DAB1: variants seen among roughly 807,000 people sequenced by gnomAD.
DAB1 encodes DAB adaptor protein 1, also known as disabled homolog 1.
Under a neutral mutation model 64.6 loss-of-function variants are expected in DAB1, and 15 were observed. That is an observed-to-expected ratio of 0.23 (90% confidence interval 0.16 to 0.36). DAB1 has a LOEUF of 0.36. Among genes scored for constraint, DAB1 ranks in the 10% least tolerant of loss-of-function variants. The probability of loss-of-function intolerance (pLI) is 1.00; values close to 1 mark genes in which losing one functional copy is unlikely to be tolerated. For missense variants in DAB1, 596 were observed against 706.7 expected (o/e 0.84, Z 1.78); for synonymous variants, 235 against 251.9 (o/e 0.93, Z 0.64).
intron 7 of DAB1, among the ~76,000 whole-genome samples, chr1:57,556,438 C>CTATTTT: frequency 6.6e-6 from 1 of 151,950 alleles, no homozygotes; most frequent in South Asian, 2.1e-4. Flanking sequence ...ACTCCAACAT[C>CTATTTT]TATTTTTTTT....
chr1:57,868,988 G>A (rs975795036), intron 1 of DAB1, among the ~76,000 whole-genome samples: 3 of 151,986 alleles, frequency 2.0e-5, no homozygotes, highest in African/African-American at 7.3e-5. Context: ...AGCTATCCCT[G>A]ATCACCCAGA....
intron 5 of DAB1, among the ~76,000 whole-genome samples, chr1:58,077,343 T>C (rs1649718512): frequency 6.6e-6 from 1 of 152,056 alleles, no homozygotes; most frequent in Non-Finnish European, 1.5e-5. Flanking sequence ...TGCATGGCGG[T>C]TTCACATCAG....
At chr1:57,054,378 T>C (rs553950852) in intron 9 of DAB1, among the ~76,000 whole-genome samples, 2 of 152,108 alleles carry the variant, frequency 1.3e-5, no homozygotes, top group East Asian at 1.9e-4. Context: ...ACCTGAGTCA[T>C]GTTCAATGGT....
At chr1:57,503,731 C>A (rs1406746562) in intron 7 of DAB1, among the ~76,000 whole-genome samples, 1 of 152,230 alleles carries the variant, frequency 6.6e-6, no homozygotes, top group Non-Finnish European at 1.5e-5. Flanking sequence ...TCCTGAAACA[C>A]TACTGTACAC....
intron 7 of DAB1, among the ~76,000 whole-genome samples, chr1:57,632,359 G>A (rs892723106): frequency 3.9e-5 from 6 of 152,176 alleles, no homozygotes; most frequent in African/African-American, 1.2e-4. Context: ...AATTTGGTGT[G>A]TGTTTATCAT....
chr1:58,196,678 G>C (rs2100248582), intron 4 of DAB1, among the ~76,000 whole-genome samples: 1 of 152,274 alleles, frequency 6.6e-6, no homozygotes, highest in South Asian at 2.1e-4. Context: ...TTATTCATTA[G>C]GCAGCAGGAG....
chr1:57,329,496 A>G (rs1469509635), intron 1 of DAB1, among the ~76,000 whole-genome samples: 2 of 151,990 alleles, frequency 1.3e-5, no homozygotes, highest in African/African-American at 2.4e-5. Flanking sequence ...GCATATCTAA[A>G]CAGTAATTCT....
At chr1:57,824,963 G>C (rs1319683668), downstream of DAB1, among the ~76,000 whole-genome samples, 1 of 152,160 alleles carries the variant, frequency 6.6e-6, no homozygotes, top group Non-Finnish European at 1.5e-5. Flanking sequence ...TCCCATGAGG[G>C]TACTGGATAT....
intron 6 of DAB1, among the ~76,000 whole-genome samples, chr1:57,769,010 C>T (rs1273562694): frequency 4.6e-5 from 7 of 152,132 alleles, no homozygotes; most frequent in Admixed American, 4.6e-4. Flanking sequence ...TTCATCTGGG[C>T]TCACTTTGCC....
At chr1:57,922,276 G>C (rs1644819154) in intron 5 of DAB1, among the ~76,000 whole-genome samples, 1 of 151,844 alleles carries the variant, frequency 6.6e-6, no homozygotes, top group Non-Finnish European at 1.5e-5. Flanking sequence ...TAAGTAGGTA[G>C]AAAAGGAGGG....
intron 5 of DAB1, among the ~76,000 whole-genome samples, chr1:58,075,202 T>G (rs191670628): frequency 6.6e-6 from 1 of 152,322 alleles, no homozygotes; most frequent in Non-Finnish European, 1.5e-5. Context: ...TTAATCACTT[T>G]TTTAATAGAA....
In DAB1 at chr1:57,889,887, C is replaced by A. The variant is rs573724690; in HGVS notation, n.388-5725G>T. ...AGCTCCTCAGATTCGCAGATGGTAG[C>A]ACAAACTGGGGCGGGGGGGGGGGAG... is the stretch of plus-strand genomic sequence containing the variant. On this transcript the variant is annotated intron_variant and non_coding_transcript_variant, in intron 5 of 20. Coordinates refer to the DAB1 transcript ENST00000485760. Among the ~76,000 whole-genome samples, 183 of 81,100 alleles carry A rather than the reference C, an allele frequency of 2.3e-3. 4 individuals carry two copies. In the South Asian group the frequency reaches 0.056, roughly 25 times the overall value. 53.2% of individuals were successfully genotyped at this position (81,100 alleles called of 152,430 possible). A position where few individuals can be genotyped will look rare whatever the true frequency, so the allele number is the denominator to read the frequency against.
chr1:57,494,833 G>A (rs17115884), intron 7 of DAB1, among the ~76,000 whole-genome samples: 4,744 of 152,116 alleles, frequency 0.031, 227 homozygotes, highest in African/African-American at 0.1. Context: ...CTTGTTAATC[G>A]CTCTTGGTTT....
chr1:58,536,987 A>C (rs952399575), intron 1 of DAB1, among the ~76,000 whole-genome samples: 2 of 152,168 alleles, frequency 1.3e-5, no homozygotes, highest in African/African-American at 2.4e-5. Flanking sequence ...TATTTTAAGG[A>C]TAAACACTAA....
intron 3 of DAB1, among the ~76,000 whole-genome samples, chr1:58,445,078 C>T (rs1362033322): frequency 1.3e-5 from 2 of 152,144 alleles, no homozygotes; most frequent in Non-Finnish European, 2.9e-5. Context: ...TAAGGGATTG[C>T]CCACGATGTG....
chr1:57,216,340 TC>T, intron 2 of DAB1, among the ~76,000 whole-genome samples: 1 of 152,126 alleles, frequency 6.6e-6, no homozygotes, highest in African/African-American at 2.4e-5. Flanking sequence ...CAACAGGTAG[TC>T]AATTAAAGTA....
rs57907821 is a variant in DAB1 at position 57,704,878 on chromosome 1, TTTCC to T, written n.552-55217_552-55214del. On this transcript the variant is annotated intron_variant and non_coding_transcript_variant, in intron 6 of 20. Transcript: ENST00000485760. ...TGCCCTTGCTCTTTGGGAAATTTCT[TTTCC>T]TTCCTTCCTTCCTTCCTTCCTTCCT... Among the ~76,000 whole-genome samples, 650 of 146,366 alleles carry T rather than the reference TTTCC, an allele frequency of 4.4e-3. 2 individuals carry two copies. Among genetic ancestry groups the T allele is most frequent in the African/African-American group, 9.4e-3 (374 of 39,670 alleles).
chr1:57,769,843 C>T (rs1345723308), intron 6 of DAB1, among the ~76,000 whole-genome samples: 1 of 152,170 alleles, frequency 6.6e-6, no homozygotes, highest in Non-Finnish European at 1.5e-5. Flanking sequence ...CCTCAGTGCT[C>T]TGCTGCATGG....
chr1:57,083,416 T>G (rs990739905), intron 4 of DAB1, among the ~76,000 whole-genome samples: 1 of 152,250 alleles, frequency 6.6e-6, no homozygotes, highest in Non-Finnish European at 1.5e-5. Context: ...GGGTGTTTAG[T>G]AATGTAACCA....
Sources: allele counts gnomAD v4.1 joint callset (sites outside exome capture counted in the v4.1 genomes callset), GRCh38; gene constraint gnomAD v4.1.1; transcripts MANE v1.5; gene names NCBI Gene and HGNC (gene_info 2026-07-23, HGNC 2026-07-21).